The following AP3S1 variants were observed in gnomAD, a reference collection of about 807,000 sequenced individuals.
AP3S1 encodes adaptor related protein complex 3 subunit sigma 1, also known as AP-3 complex subunit sigma-1.
Under a neutral mutation model 21.3 loss-of-function variants are expected in AP3S1, and 12 were observed. That is an observed-to-expected ratio of 0.56 (90% CI 0.36 to 0.91). The LOEUF is 0.91. Among genes scored for constraint, AP3S1 ranks in the 40% least tolerant of loss-of-function variants. The probability of loss-of-function intolerance (pLI) is 0.01; values close to 1 mark genes in which losing one functional copy is unlikely to be tolerated. For synonymous variants in AP3S1, 48 were observed against 78.4 expected (o/e 0.61, Z 2.05); for missense variants, 116 against 225.0 (o/e 0.52, Z 3.10).
chr5:115,863,263 G>C (rs1763336160), intron 1 of AP3S1, among the ~76,000 whole-genome samples: 1 of 152,152 alleles, frequency 6.6e-6, no homozygotes, highest in African/African-American at 2.4e-5. Flanking sequence ...TGGGCATGGT[G>C]GTGGGCGCCT....
intron 2 of AP3S1, among the ~76,000 whole-genome samples, chr5:115,869,379 C>G (rs970656836): frequency 1.3e-4 from 20 of 152,008 alleles, no homozygotes; most frequent in Non-Finnish European, 5.9e-5. Flanking sequence ...CTTACTGTGA[C>G]GTATGGAGTT....
chr5:115,891,736 A>G (rs567634399), intron 3 of AP3S1, among the ~76,000 whole-genome samples: 1 of 152,282 alleles, frequency 6.6e-6, no homozygotes, highest in Non-Finnish European at 1.5e-5. Flanking sequence ...CCAGAATGAT[A>G]GATCCACTGA....
chr5:115,908,969 T>C, intron 5 of AP3S1: 1 of 984,526 alleles, frequency 1.0e-6, no homozygotes, highest in Non-Finnish European at 1.2e-6. Flanking sequence ...GTTCTTTCAC[T>C]TTGCTGTTAG....
At chr5:115,873,033 A>G (rs1748404887) in intron 3 of AP3S1, among the ~76,000 whole-genome samples, 1 of 152,206 alleles carries the variant, frequency 6.6e-6, no homozygotes, top group Non-Finnish European at 1.5e-5. Flanking sequence ...TTTCAAATTT[A>G]GTCTCTTATT....
intron 1 of AP3S1, among the ~76,000 whole-genome samples, chr5:115,865,885 G>T (rs1283523733): frequency 6.6e-6 from 1 of 152,168 alleles, no homozygotes; most frequent in Non-Finnish European, 1.5e-5. Context: ...TGTAATCTCT[G>T]CCTCCTGGGT....
intron 3 of AP3S1, among the ~76,000 whole-genome samples, chr5:115,884,577 A>T (rs1049524402): frequency 6.6e-6 from 1 of 151,442 alleles, no homozygotes; most frequent in South Asian, 2.1e-4. Context: ...TTCGTCTCCA[A>T]CAACAACAAC....
chr5:115,858,587 C>A (rs1440773536), intron 1 of AP3S1, among the ~76,000 whole-genome samples: 1 of 151,944 alleles, frequency 6.6e-6, no homozygotes, highest in Non-Finnish European at 1.5e-5. Context: ...ATTTTCTGTT[C>A]TCGAGTCTCC....
chr5:115,901,680 G>C (rs12520442), intron 4 of AP3S1, among the ~76,000 whole-genome samples: 16,439 of 151,590 alleles, frequency 0.11, 1,563 homozygotes, highest in East Asian at 0.33. Flanking sequence ...TCAGCCTCCC[G>C]AGTAGCTGGA....
intron 5 of AP3S1, among the ~76,000 whole-genome samples, chr5:115,911,094 T>A (rs1248272212): frequency 6.6e-6 from 1 of 152,140 alleles, no homozygotes; most frequent in Non-Finnish European, 1.5e-5. Flanking sequence ...TATATTGACT[T>A]TATGTATTCT....
At chr5:115,858,893 G>C (rs75711402) in intron 1 of AP3S1, among the ~76,000 whole-genome samples, 2 of 149,404 alleles carry the variant, frequency 1.3e-5, no homozygotes, top group East Asian at 3.9e-4. Context: ...CCTCTGAGTT[G>C]CTTTTTCCCC....
At chr5:115,881,052 G>C (rs1749236384) in intron 3 of AP3S1, among the ~76,000 whole-genome samples, 1 of 151,512 alleles carries the variant, frequency 6.6e-6, no homozygotes, top group African/African-American at 2.4e-5. Flanking sequence ...CATTTTCTTG[G>C]TAAATATTCC....
At chr5:115,883,955 A>G (rs747797549) in intron 3 of AP3S1, among the ~76,000 whole-genome samples, 2 of 152,202 alleles carry the variant, frequency 1.3e-5, no homozygotes, top group Non-Finnish European at 2.9e-5. Context: ...TTAGAATTCT[A>G]AATTCAACAT....
intron 1 of AP3S1, among the ~76,000 whole-genome samples, chr5:115,858,009 C>T (rs1242714327): frequency 6.6e-6 from 1 of 152,124 alleles, no homozygotes; most frequent in East Asian, 1.9e-4. Context: ...CACATCTTTT[C>T]TCAGTTTTAG....
At chr5:115,888,890 A>C (rs1193408903) in intron 3 of AP3S1, among the ~76,000 whole-genome samples, 3 of 152,152 alleles carry the variant, frequency 2.0e-5, no homozygotes, top group African/African-American at 7.2e-5. Context: ...TAAATTGTTT[A>C]ACTCAATTTT....
At chr5:115,900,615 G>C (rs1751131759) in intron 4 of AP3S1, among the ~76,000 whole-genome samples, 1 of 152,080 alleles carries the variant, frequency 6.6e-6, no homozygotes, top group South Asian at 2.1e-4. Context: ...TTGTTTTATG[G>C]CCTTTTCAAT....
At chr5:115,863,186 G>A (rs1026534819) in intron 1 of AP3S1, among the ~76,000 whole-genome samples, 24 of 151,856 alleles carry the variant, frequency 1.6e-4, no homozygotes, top group African/African-American at 5.8e-4. Context: ...GATCACCTCG[G>A]TCGAGTTCAA....
At chr5:115,864,003 G>A (rs1391630846) in intron 1 of AP3S1, among the ~76,000 whole-genome samples, 2 of 152,006 alleles carry the variant, frequency 1.3e-5, no homozygotes, top group Non-Finnish European at 2.9e-5. Flanking sequence ...CCTTATTCTG[G>A]AAAAAGAAAA....
At chr5:115,890,566 G>A (rs1750208223) in intron 3 of AP3S1, among the ~76,000 whole-genome samples, 1 of 152,078 alleles carries the variant, frequency 6.6e-6, no homozygotes, top group Non-Finnish European at 1.5e-5. Flanking sequence ...TGATTTGAGT[G>A]TTGATTATAC....
chr5:115,868,982 G>GGAGA (rs1554066613), intron 2 of AP3S1, among the ~76,000 whole-genome samples: 3 of 99,484 alleles, frequency 3.0e-5, no homozygotes, highest in Middle Eastern at 5.9e-3. Context: ...AGGGAGGGAG[G>GGAGA]GAGAGATGCC....
Sources: allele counts gnomAD v4.1 joint callset (sites outside exome capture counted in the v4.1 genomes callset), GRCh38; gene constraint gnomAD v4.1.1; transcripts MANE v1.5; gene names NCBI Gene and HGNC (gene_info 2026-07-23, HGNC 2026-07-21).